The following AKAP6 variants were observed in gnomAD, a reference collection of about 807,000 sequenced individuals.
The protein encoded by AKAP6 is A-kinase anchor protein 6.
A neutral mutation model predicts 188.5 loss-of-function variants in AKAP6; 58 were observed. The ratio of observed to expected loss-of-function variants is 0.31; its 90% CI spans 0.25 to 0.38. The LOEUF (loss-of-function observed/expected upper bound fraction) is 0.38. Among genes scored for constraint, AKAP6 ranks in the 10% least tolerant of loss-of-function variants. The pLI is 1.00. For synonymous variants in AKAP6, 989 were observed against 998.6 expected, an observed-to-expected ratio of 0.99 and a Z score of 0.18; for missense variants, 2,710 against 2,740.0, an observed-to-expected ratio of 0.99 and a Z score of 0.24.
chr14:32,397,760 G>C (rs1267705532), intron 1 of AKAP6, among the ~76,000 whole-genome samples: 1 of 152,120 alleles, frequency 6.6e-6, no homozygotes, highest in Non-Finnish European at 1.5e-5. Context: ...GGCAAGGGTA[G>C]GTACAATATA....
chr14:32,821,058 T>A (rs893043544), intron 12 of AKAP6, among the ~76,000 whole-genome samples: 2 of 152,222 alleles, frequency 1.3e-5, no homozygotes, highest in Admixed American at 6.5e-5. Flanking sequence ...GCTGTACTAT[T>A]TTTACCTTCA....
intron 1 of AKAP6, among the ~76,000 whole-genome samples, chr14:32,416,747 G>A (rs955202102): frequency 3.3e-5 from 5 of 152,056 alleles, no homozygotes; most frequent in African/African-American, 1.2e-4. Context: ...TAGAGATGGG[G>A]TTTCACCATG....
At chr14:32,695,905 G>A in intron 8 of AKAP6, 85 bp from the exon 9 acceptor site, 2 of 1,434,650 alleles carry the variant, frequency 1.4e-6, no homozygotes, top group Non-Finnish European at 9.3e-7. Context: ...AAACATCATG[G>A]GTTTTCAAGA....
intron 11 of AKAP6, among the ~76,000 whole-genome samples, chr14:32,740,169 T>A (rs1469863247): frequency 6.6e-6 from 1 of 152,130 alleles, no homozygotes. Context: ...CATTTGTATG[T>A]CTTCTTTTGA....
intron 1 of AKAP6, among the ~76,000 whole-genome samples, chr14:32,423,671 T>C (rs1221290695): frequency 2.0e-5 from 3 of 152,178 alleles, no homozygotes; most frequent in Admixed American, 1.3e-4. Context: ...AACATATAAA[T>C]AGCTACTTAT....
intron 11 of AKAP6, among the ~76,000 whole-genome samples, chr14:32,747,823 A>T (rs147907145): frequency 6.6e-6 from 1 of 152,236 alleles, no homozygotes; most frequent in African/African-American, 2.4e-5. Flanking sequence ...TTCTGATTAC[A>T]TATTTTGCTA....
At chr14:32,648,553 C>G (rs1336609131) in intron 7 of AKAP6, among the ~76,000 whole-genome samples, 1 of 152,138 alleles carries the variant, frequency 6.6e-6, no homozygotes, top group Non-Finnish European at 1.5e-5. Flanking sequence ...CCTAGATGTG[C>G]TTTGACAGAA....
intron 5 of AKAP6, among the ~76,000 whole-genome samples, chr14:32,594,156 G>C (rs28401565): frequency 0.12 from 17,627 of 152,056 alleles, 1,203 homozygotes; most frequent in Admixed American, 0.2. Context: ...AATTCTTACA[G>C]CTGCCTGCAA....
At chr14:32,330,610 G>A (rs1001144904) in intron 1 of AKAP6, among the ~76,000 whole-genome samples, 5 of 150,188 alleles carry the variant, frequency 3.3e-5, no homozygotes, top group Admixed American at 1.3e-4. Context: ...TTACACGAAA[G>A]AATGGCAACC....
intron 1 of AKAP6, among the ~76,000 whole-genome samples, chr14:32,410,469 C>T (rs1889444758): frequency 6.6e-6 from 1 of 152,134 alleles, no homozygotes; most frequent in African/African-American, 2.4e-5. Context: ...TTTGATGTCT[C>T]ATGTCTCCCC....
intron 11 of AKAP6, among the ~76,000 whole-genome samples, chr14:32,765,414 T>G (rs1250523683): frequency 1.3e-5 from 2 of 152,224 alleles, no homozygotes; most frequent in African/African-American, 2.4e-5. Flanking sequence ...TTTCATAAGA[T>G]GTATATGATT....
intron 2 of AKAP6, among the ~76,000 whole-genome samples, chr14:32,439,986 A>G (rs1439520252): frequency 2.0e-5 from 3 of 152,176 alleles, no homozygotes; most frequent in African/African-American, 7.2e-5. Context: ...ACTATTTTTC[A>G]ACAAATAGAT....
At chr14:32,399,874 T>C (rs539909154) in intron 1 of AKAP6, among the ~76,000 whole-genome samples, 4 of 152,318 alleles carry the variant, frequency 2.6e-5, no homozygotes, top group Admixed American at 6.5e-5. Flanking sequence ...GTTCATATTT[T>C]GCTGTTTTCT....
intron 7 of AKAP6, among the ~76,000 whole-genome samples, chr14:32,603,895 C>T (rs980679704): frequency 8.6e-5 from 13 of 151,362 alleles, no homozygotes; most frequent in African/African-American, 2.2e-4. Flanking sequence ...AACCTCTCAA[C>T]GAGCAAGAAT....
chr14:32,478,800 A>G (rs1476267058), intron 2 of AKAP6, among the ~76,000 whole-genome samples: 1 of 152,160 alleles, frequency 6.6e-6, no homozygotes, highest in Non-Finnish European at 1.5e-5. Flanking sequence ...AGGAAGAGAA[A>G]ATGGTTAGTG....
At chr14:32,621,020 C>G (rs891379841) in intron 7 of AKAP6, among the ~76,000 whole-genome samples, 5 of 151,942 alleles carry the variant, frequency 3.3e-5, no homozygotes, top group Middle Eastern at 3.4e-3. Context: ...TCTCCATTTT[C>G]GTTTCTAATT....
intron 11 of AKAP6, among the ~76,000 whole-genome samples, chr14:32,737,227 A>G (rs1000171714): frequency 3.3e-5 from 5 of 152,122 alleles, no homozygotes; most frequent in Admixed American, 1.3e-4. Context: ...CAGATGAGTT[A>G]GGGGGATCTA....
chr14:32,345,509 A>G (rs1185029969), intron 1 of AKAP6, among the ~76,000 whole-genome samples: 1 of 152,222 alleles, frequency 6.6e-6, no homozygotes, highest in Non-Finnish European at 1.5e-5. Flanking sequence ...ATGTTTGGGC[A>G]TGTCTGCTGA....
intron 1 of AKAP6, among the ~76,000 whole-genome samples, chr14:32,365,352 G>C (rs1405051094): frequency 6.6e-6 from 1 of 150,700 alleles, no homozygotes; most frequent in African/African-American, 2.5e-5. Flanking sequence ...TTTATGCTGG[G>C]TCTCTCCCTT....
Sources: allele counts gnomAD v4.1 joint callset (sites outside exome capture counted in the v4.1 genomes callset), GRCh38; gene constraint gnomAD v4.1.1; transcripts MANE v1.5; gene names NCBI Gene and HGNC (gene_info 2026-07-23, HGNC 2026-07-21).